Variants in ALCAM observed in about 807,000 individuals in gnomAD.
ALCAM encodes the protein CD166 antigen.
Under a neutral mutation model 70.9 loss-of-function variants are expected in ALCAM, and 30 were observed. That is an observed-to-expected ratio of 0.42 (90% confidence interval 0.32 to 0.57). The LOEUF is 0.57. Among genes scored for constraint, ALCAM ranks in the 20% least tolerant of loss-of-function variants. The pLI is 0.11. For synonymous variants in ALCAM, 249 were observed against 242.5 expected (o/e 1.03, Z -0.25); for missense variants, 591 against 695.1 (o/e 0.85, Z 1.68).
chr3:105,368,223 AAGAGAGAGAGAGAGAGAGAG>A (rs5851454), intron 1 of ALCAM, among the ~76,000 whole-genome samples: 2 of 67,790 alleles, frequency 3.0e-5, no homozygotes, highest in South Asian at 7.3e-4. Context: ...TGAGTCTTGG[AAGAGAGAGAGAGAGAGAGAG>A]AGAGAGAGAG....
At chr3:105,433,746 G>A (rs1326540113) in intron 1 of ALCAM, among the ~76,000 whole-genome samples, 1 of 145,496 alleles carries the variant, frequency 6.9e-6, no homozygotes, top group Admixed American at 7.0e-5. Context: ...TATAGGAAAG[G>A]GCTTTCTATC....
At chr3:105,424,718 T>G (rs971757615) in intron 1 of ALCAM, among the ~76,000 whole-genome samples, 1 of 151,700 alleles carries the variant, frequency 6.6e-6, no homozygotes, top group African/African-American at 2.4e-5. Context: ...GTGAGGATGA[T>G]TTTGTAGGAA....
intron 1 of ALCAM, among the ~76,000 whole-genome samples, chr3:105,477,156 A>G (rs943790162): frequency 1.3e-5 from 2 of 152,132 alleles, no homozygotes; most frequent in Non-Finnish European, 2.9e-5. Flanking sequence ...CAGCAGCATG[A>G]AAATGAACTA....
At chr3:105,484,786 G>A (rs1042411382) in intron 1 of ALCAM, among the ~76,000 whole-genome samples, 2 of 152,044 alleles carry the variant, frequency 1.3e-5, no homozygotes, top group African/African-American at 4.8e-5. Context: ...GAAACATGTG[G>A]AATAAACAGC....
At chr3:105,475,625 CTACTT>C (rs1394358229) in intron 1 of ALCAM, among the ~76,000 whole-genome samples, 1 of 151,928 alleles carries the variant, frequency 6.6e-6, no homozygotes, top group Non-Finnish European at 1.5e-5. Flanking sequence ...TCAAATGTAA[CTACTT>C]TATAAATTTC....
chr3:105,460,344 G>A (rs1457311430), intron 1 of ALCAM, among the ~76,000 whole-genome samples: 1 of 152,010 alleles, frequency 6.6e-6, no homozygotes, highest in Non-Finnish European at 1.5e-5. Context: ...AGTCAACTCA[G>A]GATATAGGTT....
chr3:105,433,196 C>T (rs1020313531), intron 1 of ALCAM, among the ~76,000 whole-genome samples: 25 of 152,048 alleles, frequency 1.6e-4, no homozygotes, highest in African/African-American at 5.8e-4. Flanking sequence ...ATGCTTTTCA[C>T]CATTCTAGGT....
chr3:105,385,658 GATGCAAATATGTCTTGAA>G (rs1935634124), intron 1 of ALCAM, among the ~76,000 whole-genome samples: 1 of 151,612 alleles, frequency 6.6e-6, no homozygotes, highest in Non-Finnish European at 1.5e-5. Flanking sequence ...GAGAAATTCT[GATGCAAATATGTCTTGAA>G]ATCCAGAGCA....
intron 1 of ALCAM, among the ~76,000 whole-genome samples, chr3:105,506,935 C>T (rs1471388779): frequency 6.6e-6 from 1 of 151,708 alleles, no homozygotes; most frequent in East Asian, 1.9e-4. Flanking sequence ...ATTCAGCTGC[C>T]TAGACTGGAA....
chr3:105,495,446 A>C (rs931210415), intron 1 of ALCAM, among the ~76,000 whole-genome samples: 12 of 152,224 alleles, frequency 7.9e-5, no homozygotes, highest in Non-Finnish European at 1.3e-4. Context: ...GGGACAAAAA[A>C]AAAACAAAAC....
chr3:105,570,596 A>C (rs1940839521), intron 14 of ALCAM, among the ~76,000 whole-genome samples: 1 of 152,328 alleles, frequency 6.6e-6, no homozygotes, highest in Non-Finnish European at 1.5e-5. Context: ...CTATGTATAG[A>C]ATTGAAATTC....
intron 1 of ALCAM, among the ~76,000 whole-genome samples, chr3:105,484,223 A>T (rs1365009267): frequency 6.6e-6 from 1 of 151,210 alleles, no homozygotes; most frequent in Non-Finnish European, 1.5e-5. Flanking sequence ...GAAAGTTACA[A>T]AGTAACTACT....
Position 105,464,770 on chromosome 3 carries a change from CAG to C in ALCAM, c.74-55294_74-55293del, listed in dbSNP as rs542586005. 2.4e-3 allele frequency among the ~76,000 whole-genome samples: 359 copies of C among 151,304 alleles called. 2 individuals are homozygous for C. Among genetic ancestry groups the C allele is most frequent in the African/African-American group, 7.8e-3 (324 of 41,376 alleles). Reference sequence around the variant, plus strand: ...ATGAATGTATAAGACAACAGTTTGGCAGAGGAAATATTAGTATGCATGCCATC... The same window carrying C: ...ATGAATGTATAAGACAACAGTTTGGCAGGAAATATTAGTATGCATGCCATC... On this transcript the variant is annotated intron_variant, in intron 1 of 15. Coordinates refer to ENST00000306107, the MANE Select transcript of ALCAM (RefSeq NM_001627.4).
chr3:105,447,570 G>A (rs1399731349), intron 1 of ALCAM, among the ~76,000 whole-genome samples: 2 of 152,106 alleles, frequency 1.3e-5, no homozygotes, highest in Non-Finnish European at 2.9e-5. Context: ...GCCAGGCCTG[G>A]TGGCATGCAT....
At chr3:105,459,330 T>G (rs1937573636) in intron 1 of ALCAM, among the ~76,000 whole-genome samples, 1 of 152,162 alleles carries the variant, frequency 6.6e-6, no homozygotes, top group Non-Finnish European at 1.5e-5. Flanking sequence ...AATAGCCATG[T>G]TTTCAATACT....
chr3:105,555,385 C>T (rs1182046263), intron 14 of ALCAM, among the ~76,000 whole-genome samples: 2 of 152,012 alleles, frequency 1.3e-5, no homozygotes, highest in Non-Finnish European at 2.9e-5. Context: ...GAGTGCTTTG[C>T]ATTCCTGGTT....
At chr3:105,519,617 TA>T (rs1194557698) in intron 1 of ALCAM, among the ~76,000 whole-genome samples, 2 of 152,138 alleles carry the variant, frequency 1.3e-5, no homozygotes, top group Non-Finnish European at 2.9e-5. Flanking sequence ...AAAAATTTGA[TA>T]ATATTTTCAA....
chr3:105,367,558 A>AC, intron 1 of ALCAM, 77 bp downstream of exon 1: 2 of 1,540,276 alleles, frequency 1.3e-6, no homozygotes, highest in Non-Finnish European at 1.8e-6. Flanking sequence ...CCAGCCTCGC[A>AC]CCCCCGAGGC....
At chr3:105,412,399 T>C (rs564342429) in intron 1 of ALCAM, among the ~76,000 whole-genome samples, 16 of 152,114 alleles carry the variant, frequency 1.1e-4, no homozygotes, top group African/African-American at 3.6e-4. Context: ...TGAAATGCAG[T>C]ACTTGAAATT....
Sources: gnomAD v4.1 joint callset for allele counts (sites outside exome capture counted in the v4.1 genomes callset) on GRCh38, gnomAD v4.1.1 for gene constraint, MANE v1.5 for transcripts, NCBI Gene and HGNC (gene_info 2026-07-23, HGNC 2026-07-21) for gene names.